P4HB: variants seen among roughly 807,000 people sequenced by gnomAD.
P4HB encodes the protein prolyl 4-hydroxylase subunit beta, also known as protein disulfide-isomerase.
In P4HB, 20 loss-of-function variants were observed where a neutral mutation model predicts 52.6. That is an observed-to-expected ratio of 0.38 (90% CI 0.27 to 0.55). The LOEUF (loss-of-function observed/expected upper bound fraction) is 0.55. P4HB is among the 20% of genes least tolerant of loss of function. The probability of loss-of-function intolerance (pLI) is 0.74; values close to 1 mark genes in which losing one functional copy is unlikely to be tolerated. For synonymous variants in P4HB, 296 were observed against 277.9 expected (o/e 1.07, Z -0.65); for missense variants, 601 against 669.2 (o/e 0.90, Z 1.12).
chr17:81,843,797 C>T lies in P4HB; in HGVS notation c.*215G>A, dbSNP rs968972501. The T allele has an allele frequency of 1.7e-6, 1 of 603,710 alleles. No individual in the cohort carries two copies. Among genetic ancestry groups the T allele is most frequent in the Admixed American group, 3.0e-5 (1 of 33,790 alleles). The allele number at this position is 603,710 out of a possible 1,614,324, so 37.4% of individuals were successfully genotyped here. A position where few individuals can be genotyped will look rare whatever the true frequency, so the allele number is the denominator to read the frequency against. On this transcript the variant is annotated 3_prime_UTR_variant, in exon 11 of 11. Coordinates refer to ENST00000331483, the MANE Select transcript of P4HB (RefSeq NM_000918.4). ...AAACAAGCCCCACCAGGGTGGGCTG[C>T]CTGGAGATGGATCCCTTTCCAAAAA...
Position 81,860,426 on chromosome 17 carries a change from G to A in P4HB, c.46C>T (p.Arg16Cys), listed in dbSNP as rs1283283521. The A allele has an allele frequency of 3.5e-6, 5 of 1,420,066 alleles. No homozygotes were observed. The African/African-American group carries it at 6.0e-5, about 17-fold the overall frequency. The allele number at this position is 1,420,066 out of a possible 1,614,324, so 88.0% of individuals were successfully genotyped here. The change falls in exon 1 of 11, where the codon CGC (arginine) becomes TGC (cysteine). Residue 16 changes from arginine to cysteine, a missense_variant. By Grantham distance (180) the Arg-to-Cys change is radical. Transcript: ENST00000331483. ...LLCLAVAALV[R>C]ADAPEEEDHV... The stretch of plus-strand genomic sequence containing the variant: ...TCCTCCTCCTCGGGGGCGTCGGCGC[G>A]CACCAGGGCGGCCACGGCCAGGCAC...
At chr17:81,848,346 A>G (rs2038771352) in intron 4 of P4HB, among the ~76,000 whole-genome samples, 1 of 152,240 alleles carries the variant, frequency 6.6e-6, no homozygotes, top group Non-Finnish European at 1.5e-5. Flanking sequence ...TGCTGGAGGA[A>G]TCTAAAACAT....
chr17:81,855,470 C>T lies in P4HB; in HGVS notation c.469G>A (p.Val157Ile), dbSNP rs1598270292. The T allele has an allele frequency of 2.5e-6, 4 of 1,612,960 alleles. No individual in the cohort carries two copies. The East Asian group carries it at 8.9e-5, about 36-fold the overall frequency. The change falls in exon 3 of 11, where the codon GTC becomes ATC. Residue 157 changes from valine to isoleucine, a missense_variant. Physicochemically the swap from Val to Ile is conservative, Grantham distance 29 (BLOSUM62 3). Coordinates refer to ENST00000331483, the MANE Select transcript of P4HB (RefSeq NM_000918.4). The surrounding 1 kb of genome is among the most constrained non-coding windows in gnomAD (Gnocchi z 4.3). ...GTCTCTACCTTGAAGAAGCCGATGACAGCCACCTCGCTGGACTCCACCAAG... is the reference window on the plus strand; with the variant it reads ...GTCTCTACCTTGAAGAAGCCGATGATAGCCACCTCGCTGGACTCCACCAAG... The part of the protein sequence containing the change: ...ESLVESSEVA[V>I]IGFFKDVESD...
Position 81,843,520 on chromosome 17 carries a change from G to A in P4HB, c.*492C>T, listed in dbSNP as rs201943438. ...TGCAAGAGCCATGATCAGTCATGGC[G>A]ACACTGCAGGCGGTACTGAGTGACC... On this transcript the variant is annotated 3_prime_UTR_variant, in exon 11 of 11. Transcript: ENST00000331483. 6 of 405,674 alleles carry A rather than the reference G, an allele frequency of 1.5e-5. No homozygotes were observed. Among genetic ancestry groups the A allele is most frequent in the Non-Finnish European group, 2.6e-5 (6 of 230,424 alleles). 25.1% of individuals were successfully genotyped at this position (405,674 alleles called of 1,614,324 possible).
intron 4 of P4HB, chr17:81,847,887 G>A (rs2038761851): frequency 6.6e-6 from 1 of 152,568 alleles, no homozygotes; most frequent in Non-Finnish European, 1.4e-5. Context: ...TTACCATGTT[G>A]GCCACGAAGG....
At position 81,846,507 on chromosome 17, in the gene P4HB, C is replaced by T. The variant is rs1477024130; in HGVS notation, c.978G>A (p.Lys326=). The T allele has an allele frequency of 2.5e-6, 4 of 1,613,914 alleles. No individual in the cohort carries two copies. In the Admixed American group the frequency reaches 5.0e-5, roughly 20 times the overall value. ...RLITLEEEMT[K]YKPESEELTA... ...TCAGCTCCTCCGATTCGGGCTTGTA[C>T]TTGGTCATCTCCTCCTCCAGGGTGA... Residue 326 remains lysine (K), a synonymous_variant, in exon 7 of 11, where the codon AAG becomes AAA. Transcript: ENST00000331483. The surrounding 1 kb of genome is among the most constrained non-coding windows in gnomAD (Gnocchi z 5.7).
At position 81,846,936 on chromosome 17, in the gene P4HB, G is replaced by A; in HGVS notation, c.855+11C>T. On this transcript the variant is annotated intron_variant, in intron 6 of 10. Coordinates refer to ENST00000331483, the MANE Select transcript of P4HB (RefSeq NM_000918.4). This position sits in a 1 kb window ranked among gnomAD's most constrained non-coding sequence, Gnocchi z 5.7. ...GCACCGCCCCACGAGCCACCCAGAAGAGCAGCTCACCTTGCCCTTGAAGCT... is the reference window on the plus strand; with the variant it reads ...GCACCGCCCCACGAGCCACCCAGAAAAGCAGCTCACCTTGCCCTTGAAGCT... The A allele has an allele frequency of 1.2e-6, 2 of 1,613,604 alleles. No homozygotes were observed. The highest frequency in any genetic ancestry group is 2.2e-5 in the South Asian group (2 of 91,058).
At position 81,844,537 on chromosome 17, in the gene P4HB, C is replaced by T. The variant is rs559900543; in HGVS notation, c.1447-445G>A. 2.0e-5 allele frequency among the ~76,000 whole-genome samples: 3 copies of T among 152,318 alleles called. No individual in the cohort carries two copies. In the South Asian group the frequency reaches 6.2e-4, roughly 32 times the overall value. On this transcript the variant is annotated intron_variant, in intron 10 of 10. Transcript: ENST00000331483. ...GCTCTGGCCAATGACAGGCCACAGG[C>T]AGCACCAGGGGCCGGCCCTCCATCC...
intron 1 of P4HB, 29 bp from the exon 2 acceptor site, chr17:81,859,416 C>G: frequency 1.3e-6 from 2 of 1,590,446 alleles, no homozygotes; most frequent in South Asian, 1.1e-5. Flanking sequence ...TGCTAGAAAG[C>G]AGCCTTGATC....
chr17:81,846,635 G>A lies in P4HB; in HGVS notation c.856-6C>T. 6.2e-7 allele frequency: 1 copy of A among 1,613,222 alleles called. No individual in the cohort carries two copies. The highest frequency in any genetic ancestry group is 8.5e-7 in the Non-Finnish European group (1 of 1,179,796). On this transcript the variant is annotated splice_polypyrimidine_tract_variant and splice_region_variant and intron_variant, in intron 6 of 10. Transcript: ENST00000331483. The surrounding 1 kb of genome is among the most constrained non-coding windows in gnomAD (Gnocchi z 5.7). ...TCGATGAAGATGAACAGGATCTGGG[G>A]GAGAAAAGGAGGTTGCACAGGTGCG...
At chr17:81,859,708 CTAGACTTTCCCTTTAAGACTA>C (rs2038967393) in intron 1 of P4HB, 1 of 394,426 alleles carries the variant, frequency 2.5e-6, no homozygotes, top group Non-Finnish European at 4.7e-6. Flanking sequence ...AGGATCTCCC[CTAGACTTTCCCTTTAAGACTA>C]CAGACAAAAG....
intron 4 of P4HB, among the ~76,000 whole-genome samples, chr17:81,851,319 A>G (rs113481215): frequency 0.032 from 4,892 of 152,308 alleles, 258 homozygotes; most frequent in African/African-American, 0.11. Context: ...AGAGTAACTT[A>G]GAGACCAGGT....
chr17:81,857,619 C>T (rs1384795821), intron 2 of P4HB, among the ~76,000 whole-genome samples: 3 of 152,226 alleles, frequency 2.0e-5, no homozygotes, highest in African/African-American at 7.2e-5. Context: ...CTGACTCCCG[C>T]GCCTCCTAAC....
rs200928258 is a variant in P4HB, at chr17:81,855,179, T to A, written c.587A>T (p.Tyr196Phe). ...ITSNSDVFSK[Y>F]QLDKDGVVLF... ...GACAACCCCATCTTTGTCGAGCTGG[T>A]ATTTGGAGAACACGTCACTGTTGGA... is the stretch of plus-strand genomic sequence containing the variant. Residue 196 changes from tyrosine to phenylalanine, a missense_variant, in exon 4 of 11, where the codon TAC (tyrosine) becomes TTC (phenylalanine). Coordinates refer to ENST00000331483, the MANE Select transcript of P4HB (RefSeq NM_000918.4). This position sits in a 1 kb window ranked among gnomAD's most constrained non-coding sequence, Gnocchi z 4.3. The A allele has an allele frequency of 6.2e-7, 1 of 1,614,100 alleles. No individual in the cohort carries two copies. Among genetic ancestry groups the A allele is most frequent in the South Asian group, 1.1e-5 (1 of 91,082 alleles).
intron 4 of P4HB, 146 bp downstream of exon 4, chr17:81,854,996 A>G (rs2038890708): frequency 5.1e-6 from 4 of 777,178 alleles, no homozygotes; most frequent in South Asian, 4.9e-5. Flanking sequence ...CATCAGCGCA[A>G]CACCCCAACT....
At chr17:81,858,561 C>T (rs1346780448) in intron 2 of P4HB, among the ~76,000 whole-genome samples, 1 of 152,196 alleles carries the variant, frequency 6.6e-6, no homozygotes, top group Non-Finnish European at 1.5e-5. Context: ...CGTCACTGAT[C>T]TGGCTACACA....
At chr17:81,859,435 A>C (rs1457646668) in intron 1 of P4HB, 48 bp from the exon 2 acceptor site, 5 of 1,523,546 alleles carry the variant, frequency 3.3e-6, no homozygotes, top group Non-Finnish European at 4.5e-6. Context: ...TCCCTAAAGC[A>C]GCCTTGATCC....
intron 9 of P4HB, 115 bp from the exon 10 acceptor site, chr17:81,845,345 C>T (rs550297640): frequency 1.7e-5 from 16 of 946,122 alleles, no homozygotes; most frequent in South Asian, 2.8e-5. Flanking sequence ...GGCTCACACC[C>T]GGAATCCAGC....
intron 4 of P4HB, among the ~76,000 whole-genome samples, chr17:81,849,959 C>T (rs2143333783): frequency 6.6e-6 from 1 of 152,000 alleles, no homozygotes; most frequent in South Asian, 2.1e-4. Context: ...TCCCGAGTAG[C>T]TGGGATCACA....
Sources: allele counts gnomAD v4.1 joint callset (sites outside exome capture counted in the v4.1 genomes callset), GRCh38; gene constraint gnomAD v4.1.1; non-coding constraint Gnocchi (gnomAD v3.1); transcripts MANE v1.5; gene names NCBI Gene and HGNC (gene_info 2026-07-23, HGNC 2026-07-21).